Variants in ERI2 observed in about 807,000 individuals in gnomAD.
ERI2 encodes the protein ERI1 exoribonuclease 2.
ERI2 carries 35 observed loss-of-function variants against 46.8 expected under a neutral mutation model. The ratio of observed to expected loss-of-function variants is 0.75; its 90% CI spans 0.57 to 0.99. The LOEUF is 0.99. ERI2 is among the 50% of genes least tolerant of loss of function. The pLI is 0.00. For missense variants in ERI2, 695 were observed against 796.2 expected, an observed-to-expected ratio of 0.87 and a Z score of 1.53; for synonymous variants, 224 against 271.0, an observed-to-expected ratio of 0.83 and a Z score of 1.70.
chr16:20,782,626 C>A (rs1011740069), intron 10 of ERI2, among the ~76,000 whole-genome samples: 2 of 152,170 alleles, frequency 1.3e-5, no homozygotes, highest in Non-Finnish European at 2.9e-5. Context: ...AGCATCATAT[C>A]CCACAGGTTA....
At chr16:20,792,500 A>T, downstream of ERI2, 1 of 982,824 alleles carries the variant, frequency 1.0e-6, no homozygotes, top group Middle Eastern at 5.3e-4. Context: ...ATAAGATTGA[A>T]TTATGAGTTG....
downstream of ERI2, among the ~76,000 whole-genome samples, chr16:20,795,119 GACAC>G (rs1009644010): frequency 6.6e-6 from 1 of 151,840 alleles, no homozygotes; most frequent in East Asian, 1.9e-4. Context: ...TATATCCATA[GACAC>G]ACACACACAC....
intron 4 of ERI2, 116 bp downstream of exon 4, chr16:20,802,680 G>T: frequency 8.1e-7 from 1 of 1,233,074 alleles, no homozygotes; most frequent in Non-Finnish European, 1.1e-6. Context: ...GCAAAGTGCT[G>T]GGATTACAGG....
chr16:20,782,252 T>C (rs1422680239), intron 10 of ERI2, among the ~76,000 whole-genome samples: 1 of 152,220 alleles, frequency 6.6e-6, no homozygotes, highest in Non-Finnish European at 1.5e-5. Context: ...TTTGTTTTGT[T>C]TTGTTTCAAT....
chr16:20,793,666 T>C (rs960336186), downstream of ERI2, among the ~76,000 whole-genome samples: 2 of 152,194 alleles, frequency 1.3e-5, no homozygotes, highest in African/African-American at 4.8e-5. Context: ...GTTTGTCAAG[T>C]TGCTAGGATG....
chr16:20,803,512 C>G lies in ERI2; in HGVS notation c.96G>C (p.Gln32His). 6.2e-7 allele frequency: 1 copy of G among 1,613,920 alleles called. No homozygotes were observed. Among genetic ancestry groups the G allele is most frequent in the South Asian group, 1.1e-5 (1 of 91,072 alleles). Residue 32 changes from glutamine to histidine, a missense_variant, in exon 3 of 9, where the codon CAG (glutamine) becomes CAC (histidine). Physicochemically the swap from Gln to His is conservative, Grantham distance 24. Transcript: ENST00000357967. Reference protein sequence around the residue: ...NGNLGRSKSKQLFDYLIVIDF... With the variant: ...NGNLGRSKSKHLFDYLIVIDF... ...CAATGACAATTAAGTAGTCAAACAA[C>G]TGCTCTGCAAAAGATCAAGTTGTTC...
chr16:20,781,250 C>T, intron 10 of ERI2: 1 of 1,276,058 alleles, frequency 7.8e-7, no homozygotes, highest in South Asian at 1.5e-5. Context: ...AGATATGTCA[C>T]ATCCAGAAAG....
At chr16:20,801,380 G>A (rs2080793883) in intron 4 of ERI2, 21 bp from the exon 5 acceptor site, 1 of 1,561,458 alleles carries the variant, frequency 6.4e-7, no homozygotes, top group Non-Finnish European at 8.6e-7. Flanking sequence ...AGTCACAAAA[G>A]CTGAATTCAA....
chr16:20,801,391 C>G (rs2080794051), intron 4 of ERI2, 32 bp from the exon 5 acceptor site: 1 of 1,545,588 alleles, frequency 6.5e-7, no homozygotes, highest in Non-Finnish European at 8.7e-7. Context: ...CTGAATTCAA[C>G]AATCAAATTC....
intron 10 of ERI2, chr16:20,781,281 C>T (rs916847639): frequency 2.1e-6 from 2 of 973,598 alleles, no homozygotes; most frequent in African/African-American, 1.7e-5. Context: ...TGAAAAGATA[C>T]ACTCGGCCCC....
rs2080763801 is a variant in ERI2, at chr16:20,798,795, G to A, written c.1005C>T (p.Ser335=). 2 of 1,551,458 alleles carry A rather than the reference G, an allele frequency of 1.3e-6. No individual in the cohort carries two copies. Among genetic ancestry groups the A allele is most frequent in the Non-Finnish European group, 1.7e-6 (2 of 1,146,908 alleles). Reference sequence around the variant, plus strand: ...ACTGCAACTGCCCCACAGAAGTAGAGGACTTAGTATTAAAAAGAGGTAAGG... The same window carrying A: ...ACTGCAACTGCCCCACAGAAGTAGAAGACTTAGTATTAAAAAGAGGTAAGG... ...KSSLPLFNTK[S]STSVGQLQSP... is the part of the protein sequence containing the mutation. The change falls in exon 9 of 9, where the codon TCC becomes TCT. Residue 335 remains serine (S), a synonymous_variant. Coordinates refer to ENST00000357967, the MANE Select transcript of ERI2 (RefSeq NM_001142725.2).
chr16:20,806,071 G>A (rs1468480890), intron 1 of ERI2: 5 of 1,238,112 alleles, frequency 4.0e-6, no homozygotes, highest in Non-Finnish European at 4.0e-6. Flanking sequence ...TGTGTGGCCT[G>A]CCTGAGACCT....
chr16:20,796,054 G>A, downstream of ERI2: 1 of 227,588 alleles, frequency 4.4e-6, no homozygotes, highest in Non-Finnish European at 8.5e-6. Flanking sequence ...CTTGTATAAA[G>A]ACTGCATGTT....
chr16:20,789,572 A>G (rs1416411360), intron 9 of ERI2: 1 of 1,557,042 alleles, frequency 6.4e-7, no homozygotes, highest in Non-Finnish European at 8.9e-7. Context: ...ACAAAGTTTG[A>G]AAACCAGTAA....
At position 20,789,701 on chromosome 16, in the gene ERI2, T is replaced by G. The variant is rs552734552; in HGVS notation, c.816-144A>C. 7.4e-5 allele frequency: 45 copies of G among 606,436 alleles called. No individual in the cohort carries two copies. The East Asian group carries it at 9.5e-4, about 13-fold the overall frequency. The allele number at this position is 606,436 out of a possible 1,614,324, so 37.6% of individuals were successfully genotyped here. ...CTATTTTTCTTTTTTTTTTTTTTTT[T>G]TTGAGATGGAGTTTCACTCATTGCC... On this transcript the variant is annotated intron_variant, in intron 9 of 10. Coordinates refer to the ERI2 transcript ENST00000300005.
chr16:20,795,181 GTGT>G (rs369288252), downstream of ERI2, among the ~76,000 whole-genome samples: 18 of 152,302 alleles, frequency 1.2e-4, no homozygotes, highest in Admixed American at 5.2e-4. Flanking sequence ...AAATGTTCAA[GTGT>G]TGTTGTTGTT....
rs780666625 is a variant in ERI2 at position 20,800,330 on chromosome 16, G to T, written c.533C>A (p.Ser178Tyr). 3 of 1,609,822 alleles carry T rather than the reference G, an allele frequency of 1.9e-6. No individual in the cohort carries two copies. The highest frequency in any genetic ancestry group is 2.2e-5 in the South Asian group (2 of 90,292). Reference protein sequence around the residue: ...KQLLKPVFLNSWIDLRATYKL... With the variant: ...KQLLKPVFLNYWIDLRATYKL... ...GTAAGTTGCTCTGAGATCAATCCAA[G>T]AATTTAAAAACACAGGTTTTAACAG... Residue 178 changes from serine to tyrosine, a missense_variant, in exon 6 of 9, where the codon TCT becomes TAT. Transcript: ENST00000357967.
chr16:20,782,235 TTTTTG>T (rs1300580247), intron 10 of ERI2, among the ~76,000 whole-genome samples: 5 of 152,288 alleles, frequency 3.3e-5, no homozygotes, highest in East Asian at 1.9e-4. Context: ...TTTGTTTTTG[TTTTTG>T]TTTTGTTTTG....
At chr16:20,794,873 G>C (rs748977175), downstream of ERI2, among the ~76,000 whole-genome samples, 1 of 152,134 alleles carries the variant, frequency 6.6e-6, no homozygotes, top group Non-Finnish European at 1.5e-5. Flanking sequence ...ACCCATGTTA[G>C]GTTGTTCCTT....
Sources: gnomAD v4.1 joint callset for allele counts (sites outside exome capture counted in the v4.1 genomes callset) on GRCh38, gnomAD v4.1.1 for gene constraint, MANE v1.5 for transcripts, NCBI Gene and HGNC (gene_info 2026-07-23, HGNC 2026-07-21) for gene names.